Variants in DPP8 observed in about 807,000 individuals in gnomAD.
The protein encoded by DPP8 is dipeptidyl peptidase 8.
Under a neutral mutation model 107.5 loss-of-function variants are expected in DPP8, and 31 were observed. The observed-to-expected ratio is 0.29, with a 90% CI of 0.22 to 0.39. DPP8 has a LOEUF of 0.39. Ranked by LOEUF, DPP8 falls within the 10% of genes least tolerant of loss-of-function variation. The pLI, the probability that DPP8 is intolerant of heterozygous loss-of-function variation, is 1.00. For missense variants in DPP8, 842 were observed against 1,076.1 expected (o/e 0.78, Z 3.04); for synonymous variants, 381 against 356.6 (o/e 1.07, Z -0.77).
intron 3 of DPP8, 96 bp from the exon 4 acceptor site, chr15:65,500,875 T>C (rs2069153012): frequency 5.4e-5 from 19 of 352,424 alleles, no homozygotes; most frequent in Admixed American, 1.9e-4. Context: ...TATTGACTCT[T>C]TTTTTTTTTT....
intron 11 of DPP8, chr15:65,475,566 G>A: frequency 8.1e-7 from 1 of 1,230,538 alleles, no homozygotes; most frequent in South Asian, 1.2e-5. Context: ...ACTGAATTAG[G>A]ACTGGCTTGA....
chr15:65,503,725 C>T lies in DPP8; in HGVS notation c.373-2946G>A, dbSNP rs576571818. 1.9e-4 allele frequency among the ~76,000 whole-genome samples: 29 copies of T among 152,158 alleles called. 1 individual carries two copies. Among genetic ancestry groups the T allele is most frequent in the East Asian group, 1.4e-3 (7 of 5,164 alleles). ...GCAACCTCTGCCTCCCGGGTTCAAT[C>T]GATTCTCCCACCTCAGCCTCCCGAG... On this transcript the variant is annotated intron_variant, in intron 3 of 19. Transcript: ENST00000300141.
Position 65,446,218 on chromosome 15 carries a change from T to G in DPP8, c.*666A>C, listed in dbSNP as rs902078571. 6.6e-6 allele frequency: 1 copy of G among 152,082 alleles called. No homozygotes were observed. Among genetic ancestry groups the G allele is most frequent in the Admixed American group, 6.6e-5 (1 of 15,256 alleles). The allele number at this position is 152,082 out of a possible 1,614,324, so 9.4% of individuals were successfully genotyped here. On this transcript the variant is annotated 3_prime_UTR_variant, in exon 20 of 20. Coordinates refer to ENST00000300141, the MANE Select transcript of DPP8 (RefSeq NM_130434.5). ...CCTTTATGCAAAAGGAAAAGCCCAC[T>G]CTGTTAATATCATCAAAGAAAAATG...
intron 2 of DPP8, among the ~76,000 whole-genome samples, chr15:65,510,429 C>T (rs993314923): frequency 2.6e-5 from 4 of 152,036 alleles, no homozygotes; most frequent in African/African-American, 9.6e-5. Flanking sequence ...AAGAAACCCT[C>T]TTCAGGGGTT....
chr15:65,458,200 T>C (rs2064601915), intron 15 of DPP8, among the ~76,000 whole-genome samples: 1 of 152,216 alleles, frequency 6.6e-6, no homozygotes, highest in Non-Finnish European at 1.5e-5. Flanking sequence ...CTGATCTCTT[T>C]GGATTTTTAT....
At chr15:65,456,411 A>G (rs1386145367) in intron 15 of DPP8, 40 bp from the exon 16 acceptor site, 1 of 1,578,710 alleles carries the variant, frequency 6.3e-7, no homozygotes. Flanking sequence ...ATATGGAAGC[A>G]TATAAAAACC....
chr15:65,464,472 A>T (rs940252569), intron 14 of DPP8, among the ~76,000 whole-genome samples: 4 of 152,142 alleles, frequency 2.6e-5, no homozygotes, highest in Non-Finnish European at 5.9e-5. Flanking sequence ...GCTTGAGCCC[A>T]AGAGTTTGTG....
At chr15:65,449,174 T>C (rs34511941) in intron 19 of DPP8, among the ~76,000 whole-genome samples, 50,552 of 140,744 alleles carry the variant, frequency 0.36, 10,577 homozygotes, top group East Asian at 0.79. Context: ...CACACCACTG[T>C]GCTCCAGCCT....
chr15:65,497,906 T>G lies in DPP8; in HGVS notation c.673A>C (p.Ile225Leu), dbSNP rs573954421. ...IHSNDIWISNIVTREERRLTY... is the reference protein window; with the variant it reads ...IHSNDIWISNLVTREERRLTY... ...AGTCTCCTTTCTTCTCTGGTTACGA[T>G]GTTAGATATCCAAATATCGTTGCTA... is the stretch of plus-strand genomic sequence containing the variant. The change falls in exon 5 of 20, where the codon ATC becomes CTC. Residue 225 changes from isoleucine to leucine, a missense_variant. This residue lies in a region of DPP8 where 663 missense variants were observed against 758.0 expected (regional missense o/e 0.87). Transcript: ENST00000300141. 2.5e-6 allele frequency: 4 copies of G among 1,592,266 alleles called. No homozygotes were observed. The South Asian group carries it at 4.6e-5, about 18-fold the overall frequency.
intron 8 of DPP8, among the ~76,000 whole-genome samples, chr15:65,482,980 C>T (rs1052272340): frequency 2.6e-5 from 4 of 151,984 alleles, no homozygotes; most frequent in Non-Finnish European, 4.4e-5. Context: ...ACCTGTAGTA[C>T]CAGCCACTCT....
At position 65,463,815 on chromosome 15, in the gene DPP8, A is replaced by G. The variant is rs758978456; in HGVS notation, c.1917T>C (p.Asp639=). 2 of 1,613,088 alleles carry G rather than the reference A, an allele frequency of 1.2e-6. No individual in the cohort carries two copies. The highest frequency in any genetic ancestry group is 2.2e-5 in the South Asian group (2 of 90,902). Residue 639 remains aspartate, a synonymous_variant, in exon 15 of 20, where the codon GAT becomes GAC. Transcript: ENST00000300141. The part of the protein sequence containing the change: ...TLYGMLYKPH[D]LQPGKKYPTV... The stretch of plus-strand genomic sequence containing the variant: ...TAGGATATTTCTTTCCAGGCTGTAG[A>G]TCATGAGGCTTGTAGAGCATCCCAT...
chr15:65,510,434 G>A (rs1435387875), intron 2 of DPP8, among the ~76,000 whole-genome samples: 2 of 152,028 alleles, frequency 1.3e-5, no homozygotes, highest in Non-Finnish European at 2.9e-5. Context: ...ACCCTCTTCA[G>A]GGGTTGGGTG....
Position 65,478,864 on chromosome 15 carries a change from A to G in DPP8, c.1456+16T>C. The G allele has an allele frequency of 6.5e-7, 1 of 1,545,498 alleles. No individual in the cohort carries two copies. The highest frequency in any genetic ancestry group is 1.3e-5 in the South Asian group (1 of 79,310). On this transcript the variant is annotated intron_variant, in intron 11 of 19. Coordinates refer to ENST00000300141, the MANE Select transcript of DPP8 (RefSeq NM_130434.5). ...CCAACATTTTTTCTTTTTTTAAAATAAAATGGATTTCTTACTTGGAGCAGG... is the reference window on the plus strand; with the variant it reads ...CCAACATTTTTTCTTTTTTTAAAATGAAATGGATTTCTTACTTGGAGCAGG...
Position 65,452,007 on chromosome 15 carries a change from G to T in DPP8, c.2367C>A (p.Gly789=). 1 of 1,612,064 alleles carries T rather than the reference G, an allele frequency of 6.2e-7. No homozygotes were observed. The highest frequency in any genetic ancestry group is 8.5e-7 in the Non-Finnish European group (1 of 1,179,350). The change falls in exon 18 of 20, where the codon GGC becomes GGA. Residue 789 remains glycine (G), a synonymous_variant. Coordinates refer to ENST00000300141, the MANE Select transcript of DPP8 (RefSeq NM_130434.5). ...YMGHPDQNEQ[G]YYLGSVAMQA... ...GCATGGCCACAGATCCTAAGTAATA[G>T]CCCTGTTCATTCTGGTCAGGGTGAC... is the stretch of plus-strand genomic sequence containing the variant.
Position 65,466,883 on chromosome 15 carries a change from A to T in DPP8, c.1690-70T>A, listed in dbSNP as rs188375473. On this transcript the variant is annotated intron_variant, in intron 13 of 19. Transcript: ENST00000300141. ...AAAGGTTATCTGCTGTTACATCTGCACTAATGATATAGCAAGAGTATTATA... is the reference window on the plus strand; with the variant it reads ...AAAGGTTATCTGCTGTTACATCTGCTCTAATGATATAGCAAGAGTATTATA... The T allele has an allele frequency of 2.0e-4, 291 of 1,481,730 alleles. 1 individual carries two copies. In the African/African-American group the frequency reaches 3.9e-3, roughly 20 times the overall value. 91.8% of individuals were successfully genotyped at this position (1,481,730 alleles called of 1,614,324 possible).
intron 1 of DPP8, among the ~76,000 whole-genome samples, chr15:65,513,367 A>G (rs2071047465): frequency 6.6e-6 from 1 of 152,168 alleles, no homozygotes; most frequent in Middle Eastern, 3.4e-3. Flanking sequence ...CATGCACCAC[A>G]ACGCCCGGCT....
intron 12 of DPP8, among the ~76,000 whole-genome samples, chr15:65,469,062 G>A (rs902630891): frequency 8.6e-5 from 13 of 151,984 alleles, no homozygotes; most frequent in Admixed American, 1.3e-4. Flanking sequence ...TGCAACCTCC[G>A]TCTCCCAGGT....
intron 1 of DPP8, among the ~76,000 whole-genome samples, chr15:65,513,192 A>G (rs1156971689): frequency 6.6e-6 from 1 of 151,746 alleles, no homozygotes; most frequent in Non-Finnish European, 1.5e-5. Flanking sequence ...AGACATCACT[A>G]TCATGATCAT....
In DPP8 at chr15:65,496,006, C is replaced by T. The variant is rs181977043; in HGVS notation, c.715+1858G>A. On this transcript the variant is annotated intron_variant, in intron 5 of 19. Transcript: ENST00000300141. ...TTTCTTTTTTCTTTTTTTTTTTAGACGGAGTGTCCCTCTGTCGCCCAGGCT... is the reference window on the plus strand; with the variant it reads ...TTTCTTTTTTCTTTTTTTTTTTAGATGGAGTGTCCCTCTGTCGCCCAGGCT... 6.7e-4 allele frequency among the ~76,000 whole-genome samples: 101 copies of T among 150,404 alleles called. 2 individuals carry two copies. The highest frequency in any genetic ancestry group is 2.4e-3 in the African/African-American group (97 of 40,948).
Sources: allele counts gnomAD v4.1 joint callset (sites outside exome capture counted in the v4.1 genomes callset), GRCh38; gene constraint gnomAD v4.1.1; regional missense constraint gnomAD v4.1.1; transcripts MANE v1.5; gene names NCBI Gene and HGNC (gene_info 2026-07-23, HGNC 2026-07-21).